Variants in CCDC83 observed in about 807,000 individuals in gnomAD.
The protein encoded by CCDC83 is coiled-coil domain-containing protein 83.
Under a neutral mutation model 50.1 loss-of-function variants are expected in CCDC83, and 54 were observed. The ratio of observed to expected loss-of-function variants is 1.08; its 90% CI spans 0.87 to 1.35. The LOEUF is 1.35. CCDC83 is among the 40% of genes most tolerant of loss of function. The pLI is 0.00. For missense variants in CCDC83, 518 were observed against 473.9 expected, an observed-to-expected ratio of 1.09 and a Z score of -0.86; for synonymous variants, 161 against 153.3, an observed-to-expected ratio of 1.05 and a Z score of -0.37.
intron 5 of CCDC83, among the ~76,000 whole-genome samples, chr11:85,892,077 C>A (rs1445508): frequency 6.6e-6 from 1 of 151,958 alleles, no homozygotes; most frequent in Non-Finnish European, 1.5e-5. Flanking sequence ...GCTATGTGAC[C>A]CCAGAAGTCA....
chr11:85,900,965 T>A (rs1386737288), intron 7 of CCDC83, among the ~76,000 whole-genome samples: 1 of 151,282 alleles, frequency 6.6e-6, no homozygotes, highest in Admixed American at 6.6e-5. Flanking sequence ...CTTGGGAGGC[T>A]AAAGTATGAG....
chr11:85,913,992 T>A (rs1332908657), intron 8 of CCDC83, among the ~76,000 whole-genome samples: 1 of 152,244 alleles, frequency 6.6e-6, no homozygotes, highest in Non-Finnish European at 1.5e-5. Flanking sequence ...ATCTTAATTG[T>A]TCACAATGGT....
chr11:85,915,216 A>AT (rs2135149454), intron 8 of CCDC83, among the ~76,000 whole-genome samples: 1 of 152,228 alleles, frequency 6.6e-6, no homozygotes, highest in East Asian at 1.9e-4. Context: ...CACTATGGTA[A>AT]TTACCCATCA....
chr11:85,913,857 T>C (rs2093465844), intron 8 of CCDC83, among the ~76,000 whole-genome samples: 1 of 152,182 alleles, frequency 6.6e-6, no homozygotes, highest in South Asian at 2.1e-4. Context: ...CATAATAACA[T>C]CTTTTAAACT....
intron 1 of CCDC83, among the ~76,000 whole-genome samples, chr11:85,862,556 C>G (rs916777284): frequency 1.3e-5 from 2 of 152,184 alleles, no homozygotes; most frequent in Non-Finnish European, 2.9e-5. Context: ...CCAGGTAAAG[C>G]ACCATGCACA....
At chr11:85,862,285 G>A (rs1406164055) in intron 1 of CCDC83, among the ~76,000 whole-genome samples, 2 of 152,140 alleles carry the variant, frequency 1.3e-5, no homozygotes, top group Non-Finnish European at 2.9e-5. Context: ...CTGGAGTCCT[G>A]AGTCTTTCAA....
chr11:85,912,808 T>C, intron 8 of CCDC83: 2 of 967,288 alleles, frequency 2.1e-6, no homozygotes, highest in Admixed American at 1.7e-5. Flanking sequence ...AACTGGCTAA[T>C]CTTTAGGAAA....
chr11:85,897,143 G>A (rs1172156147), intron 6 of CCDC83, among the ~76,000 whole-genome samples: 1 of 152,106 alleles, frequency 6.6e-6, no homozygotes, highest in Non-Finnish European at 1.5e-5. Flanking sequence ...TAGATATATA[G>A]GCCAAATAAG....
chr11:85,886,321 A>G lies in CCDC83; in HGVS notation c.465A>G (p.Leu155=). 6.2e-7 allele frequency: 1 copy of G among 1,609,840 alleles called. No homozygotes were observed. Among genetic ancestry groups the G allele is most frequent in the Non-Finnish European group, 8.5e-7 (1 of 1,178,548 alleles). ...GACATGCTAAACTCATTACCTCCTT[A>G]CAAAATGACATCAACACAGTTAAAG... ...SERHAKLITS[L]QNDINTVKEN... The change falls in exon 5 of 11, where the codon TTA becomes TTG. Residue 155 remains leucine (L), a synonymous_variant. Transcript: ENST00000342404.
rs111395797 is a variant in CCDC83, at chr11:85,898,304, A to G, written c.604-643A>G. ...TTACTAAATATTGAATTTGTACCAT[A>G]GTATCCATATAAAAGCATCTCGCAG... On this transcript the variant is annotated intron_variant, in intron 6 of 10. Coordinates refer to ENST00000342404, the MANE Select transcript of CCDC83 (RefSeq NM_001286159.2). 7.2e-4 allele frequency among the ~76,000 whole-genome samples: 109 copies of G among 152,294 alleles called. 1 individual carries two copies. The highest frequency in any genetic ancestry group is 2.5e-3 in the African/African-American group (104 of 41,562).
intron 2 of CCDC83, among the ~76,000 whole-genome samples, chr11:85,870,391 T>C (rs183076400): frequency 1.3e-5 from 2 of 152,368 alleles, no homozygotes; most frequent in East Asian, 3.9e-4. Context: ...GTAGTATTAA[T>C]AGATTTATAA....
Position 85,883,138 on chromosome 11 carries a change from G to A in CCDC83, c.343+463G>A, listed in dbSNP as rs2093309764. Among the ~76,000 whole-genome samples, 7 of 151,900 alleles carry A rather than the reference G, an allele frequency of 4.6e-5. No homozygotes were observed. In the South Asian group the frequency reaches 1.2e-3, roughly 27 times the overall value. On this transcript the variant is annotated intron_variant, in intron 4 of 10. Coordinates refer to ENST00000342404, the MANE Select transcript of CCDC83 (RefSeq NM_001286159.2). The stretch of plus-strand genomic sequence containing the variant: ...TTGCTATGTTGCCCAGGCTGGTCTC[G>A]AACTCCTGGGCTCAAGGGATAGTCC...
chr11:85,892,565 AT>A (rs1225894925), intron 5 of CCDC83, among the ~76,000 whole-genome samples: 1 of 152,216 alleles, frequency 6.6e-6, no homozygotes, highest in Non-Finnish European at 1.5e-5. Flanking sequence ...GTCAGAGTGT[AT>A]TTGATAATCT....
intron 5 of CCDC83, among the ~76,000 whole-genome samples, chr11:85,892,311 GA>G (rs2135068821): frequency 6.6e-6 from 1 of 152,270 alleles, no homozygotes; most frequent in Non-Finnish European, 1.5e-5. Flanking sequence ...GAGCTTTTAC[GA>G]GGAGACTTTT....
intron 9 of CCDC83, among the ~76,000 whole-genome samples, chr11:85,915,808 T>C (rs1592203580): frequency 6.6e-6 from 1 of 152,292 alleles, no homozygotes. Context: ...TGACAACATA[T>C]ACTTAGGCAC....
chr11:85,880,698 CAT>C (rs1242629590), intron 3 of CCDC83, among the ~76,000 whole-genome samples: 1 of 151,830 alleles, frequency 6.6e-6, no homozygotes, highest in African/African-American at 2.4e-5. Flanking sequence ...ATTTTCATCA[CAT>C]AAAAAATAAT....
At chr11:85,903,375 A>G (rs2093411046) in intron 7 of CCDC83, among the ~76,000 whole-genome samples, 1 of 151,864 alleles carries the variant, frequency 6.6e-6, no homozygotes, top group Non-Finnish European at 1.5e-5. Context: ...GCCCACTGCA[A>G]ACTCTGCCTC....
chr11:85,887,213 C>T (rs1414113473), intron 5 of CCDC83, among the ~76,000 whole-genome samples: 1 of 152,204 alleles, frequency 6.6e-6, no homozygotes, highest in Non-Finnish European at 1.5e-5. Flanking sequence ...TAGATCTGGA[C>T]ACGATGAGGG....
chr11:85,886,944 T>C (rs1391825761), intron 5 of CCDC83, among the ~76,000 whole-genome samples: 1 of 151,992 alleles, frequency 6.6e-6, no homozygotes, highest in Non-Finnish European at 1.5e-5. Flanking sequence ...ATTCAATGGA[T>C]GGGGTCTGTA....
Sources: allele counts gnomAD v4.1 joint callset (sites outside exome capture counted in the v4.1 genomes callset), GRCh38; gene constraint gnomAD v4.1.1; transcripts MANE v1.5; gene names NCBI Gene and HGNC (gene_info 2026-07-23, HGNC 2026-07-21).